Variants in ZNF114 observed in about 807,000 individuals in gnomAD.
The protein encoded by ZNF114 is zinc finger protein 114 (Y18).
A neutral mutation model predicts 6.8 loss-of-function variants in ZNF114; 8 were observed. That is an observed-to-expected ratio of 1.18 (90% confidence interval 0.69 to 2.13). The LOEUF (loss-of-function observed/expected upper bound fraction) is 2.13, where lower values mean the gene tolerates loss of function less well. Among genes scored for constraint, ZNF114 ranks in the 30% most tolerant of loss-of-function variants. The pLI is 0.00. For synonymous variants in ZNF114, 169 were observed against 185.5 expected (o/e 0.91, Z 0.72); for missense variants, 472 against 519.5 (o/e 0.91, Z 0.89).
At chr19:48,270,458 G>C (rs1157904426) in intron 1 of ZNF114, among the ~76,000 whole-genome samples, 3 of 136,542 alleles carry the variant, frequency 2.2e-5, no homozygotes, top group African/African-American at 8.0e-5. Flanking sequence ...GGGAGGGAGG[G>C]AGGGGCAGAG....
At chr19:48,283,602 A>C (rs958804495) in intron 5 of ZNF114, among the ~76,000 whole-genome samples, 1 of 152,190 alleles carries the variant, frequency 6.6e-6, no homozygotes, top group African/African-American at 2.4e-5. Context: ...ATGGTAACAG[A>C]GCAACAGGCT....
intron 5 of ZNF114, among the ~76,000 whole-genome samples, chr19:48,284,555 T>C (rs144255387): frequency 0.086 from 13,065 of 152,032 alleles, 975 homozygotes; most frequent in Middle Eastern, 0.23. Flanking sequence ...CTCAGCCCCC[T>C]GAGTAGCTGG....
intron 3 of ZNF114, among the ~76,000 whole-genome samples, chr19:48,274,866 C>G (rs1967783288): frequency 6.6e-6 from 1 of 152,118 alleles, no homozygotes; most frequent in Admixed American, 6.6e-5. Context: ...TTCCAGGGCT[C>G]ACACCCTCGA....
chr19:48,284,921 C>T (rs981179018), intron 5 of ZNF114, among the ~76,000 whole-genome samples: 1 of 152,142 alleles, frequency 6.6e-6, no homozygotes, highest in Non-Finnish European at 1.5e-5. Flanking sequence ...CCAGCCACTG[C>T]ACTCCAGCAC....
intron 3 of ZNF114, among the ~76,000 whole-genome samples, chr19:48,278,508 G>C (rs1176937283): frequency 6.6e-6 from 1 of 152,164 alleles, no homozygotes; most frequent in Non-Finnish European, 1.5e-5. Flanking sequence ...CCTGTTTTCA[G>C]AGCTCACTGG....
chr19:48,279,599 G>A (rs1967939157), intron 3 of ZNF114, 132 bp from the exon 4 acceptor site: 2 of 597,698 alleles, frequency 3.3e-6, no homozygotes, highest in Non-Finnish European at 6.0e-6. Flanking sequence ...AGGGGGTGGG[G>A]GTTGTGGGCT....
intron 3 of ZNF114, among the ~76,000 whole-genome samples, chr19:48,273,216 C>A (rs973118046): frequency 9.2e-5 from 14 of 152,118 alleles, no homozygotes; most frequent in African/African-American, 3.4e-4. Flanking sequence ...GTGAAGGTGT[C>A]AGGATCAAAC....
chr19:48,285,612 GAA>G (rs1968098235), intron 5 of ZNF114, 147 bp from the exon 6 acceptor site: 1 of 854,854 alleles, frequency 1.2e-6, no homozygotes. Flanking sequence ...AGGAAGGAAG[GAA>G]GAAAGAAAGG....
intron 5 of ZNF114, 53 bp downstream of exon 5, chr19:48,282,550 G>A: frequency 1.3e-6 from 2 of 1,558,596 alleles, no homozygotes; most frequent in Non-Finnish European, 1.7e-6. Context: ...GTGCTGGTTT[G>A]GAACCGTGTT....
At chr19:48,273,587 G>C (rs1193130751) in intron 3 of ZNF114, among the ~76,000 whole-genome samples, 2 of 151,900 alleles carry the variant, frequency 1.3e-5, no homozygotes, top group African/African-American at 2.4e-5. Flanking sequence ...GCTGAGATGC[G>C]TGTAATGGGG....
rs1968112777 is a variant in ZNF114 at position 48,285,902 on chromosome 19, C to G, written c.278C>G (p.Pro93Arg). Residue 93 changes from proline (P) to arginine (R), a missense_variant, in exon 6 of 6, where the codon CCC (proline) becomes CGC (arginine). Transcript: ENST00000595607. ...ACATTAAGAGAAGACTGGAGATGCCCCAAAACAGAGGAACCACACAGGCAG... is the reference window on the plus strand; with the variant it reads ...ACATTAAGAGAAGACTGGAGATGCCGCAAAACAGAGGAACCACACAGGCAG... Reference protein sequence around the residue: ...HSTLREDWRCPKTEEPHRQGV... With the variant: ...HSTLREDWRCRKTEEPHRQGV... 6.2e-7 allele frequency: 1 copy of G among 1,613,958 alleles called. No individual in the cohort carries two copies. The highest frequency in any genetic ancestry group is 1.3e-5 in the African/African-American group (1 of 74,872).
In ZNF114 at chr19:48,286,003, G is replaced by A. The variant is rs1276912645; in HGVS notation, c.379G>A (p.Glu127Lys). 6.2e-7 allele frequency: 1 copy of A among 1,613,956 alleles called. No individual in the cohort carries two copies. The highest frequency in any genetic ancestry group is 8.5e-7 in the Non-Finnish European group (1 of 1,180,034). Residue 127 changes from glutamate (E) to lysine (K), a missense_variant, in exon 6 of 6, where the codon GAA (glutamate) becomes AAA (lysine). By Grantham distance (56) the Glu-to-Lys change is moderately conservative. Coordinates refer to ENST00000595607, the MANE Select transcript of ZNF114 (RefSeq NM_153608.4). ...TCCTGTTAGCATTTGTGAAGATCATGAAATGAGGAACCACTCTAAACCTAC... is the reference window on the plus strand; with the variant it reads ...TCCTGTTAGCATTTGTGAAGATCATAAAATGAGGAACCACTCTAAACCTAC... ...ESPVSICEDH[E>K]MRNHSKPTCR... is the part of the protein sequence containing the mutation.
intron 3 of ZNF114, among the ~76,000 whole-genome samples, chr19:48,275,144 AAAAGAAAG>A (rs966260107): frequency 6.7e-5 from 10 of 149,308 alleles, no homozygotes; most frequent in South Asian, 4.3e-4. Context: ...CCTGTCTCAA[AAAAGAAAG>A]AAAGAGAGAA....
In ZNF114 at chr19:48,286,258, G is replaced by C. The variant is rs765441618; in HGVS notation, c.634G>C (p.Asp212His). 1 of 1,614,180 alleles carries C rather than the reference G, an allele frequency of 6.2e-7. No homozygotes were observed. Among genetic ancestry groups the C allele is most frequent in the Non-Finnish European group, 8.5e-7 (1 of 1,180,042 alleles). The change falls in exon 6 of 6, where the codon GAT becomes CAT. Residue 212 changes from aspartate to histidine, a missense_variant. Physicochemically the swap from Asp to His is moderately conservative, Grantham distance 81. Transcript: ENST00000595607. ...GSQNTVHHIRDEIDTGANRHQ... is the reference protein window; with the variant it reads ...GSQNTVHHIRHEIDTGANRHQ... ...TCAGAACACTGTGCATCATATACGT[G>C]ATGAAATTGATACGGGGGCCAACAG...
chr19:48,282,778 T>C lies in ZNF114; in HGVS notation c.136+281T>C, dbSNP rs531864926. Among the ~76,000 whole-genome samples, 7 of 152,226 alleles carry C rather than the reference T, an allele frequency of 4.6e-5. No homozygotes were observed. The South Asian group carries it at 1.5e-3, about 32-fold the overall frequency. ...CCCAGGCTGGAGTGCAGCGGCATCA[T>C]CTCAGCTCACTGCAACTTCCACCCC... is the stretch of plus-strand genomic sequence containing the variant. On this transcript the variant is annotated intron_variant, in intron 5 of 5. Transcript: ENST00000595607.
chr19:48,285,161 CT>C, intron 5 of ZNF114, among the ~76,000 whole-genome samples: 1 of 152,170 alleles, frequency 6.6e-6, no homozygotes, highest in East Asian at 1.9e-4. Context: ...CTTTCTTCCC[CT>C]TCACATTTTT....
At chr19:48,277,238 C>CT (rs1967860213) in intron 3 of ZNF114, among the ~76,000 whole-genome samples, 1 of 151,882 alleles carries the variant, frequency 6.6e-6, no homozygotes, top group African/African-American at 2.4e-5. Flanking sequence ...GTCCCAGCTA[C>CT]TTGGGAAGCT....
At chr19:48,279,475 GGT>G (rs1189607459) in intron 3 of ZNF114, among the ~76,000 whole-genome samples, 6 of 115,260 alleles carry the variant, frequency 5.2e-5, no homozygotes, top group African/African-American at 1.0e-4. Context: ...GGGGTGTGTG[GGT>G]GTGTGTGTGA....
At chr19:48,278,008 C>T (rs982639297) in intron 3 of ZNF114, among the ~76,000 whole-genome samples, 1 of 151,958 alleles carries the variant, frequency 6.6e-6, no homozygotes, top group African/African-American at 2.4e-5. Flanking sequence ...GATCTCAGCT[C>T]ACTGCAACCT....
Sources: allele counts gnomAD v4.1 joint callset (sites outside exome capture counted in the v4.1 genomes callset), GRCh38; gene constraint gnomAD v4.1.1; transcripts MANE v1.5; gene names NCBI Gene and HGNC (gene_info 2026-07-23, HGNC 2026-07-21).